CP: variants seen among roughly 807,000 people sequenced by gnomAD.
The protein encoded by CP is ceruloplasmin, also known as caeruloplasmin.
A neutral mutation model predicts 122.4 loss-of-function variants in CP; 64 were observed. The ratio of observed to expected loss-of-function variants is 0.52; its 90% CI spans 0.43 to 0.64. The LOEUF is 0.64. Among genes scored for constraint, CP ranks in the 30% least tolerant of loss-of-function variants. The pLI is 0.00. For synonymous variants in CP, 440 were observed against 436.4 expected (o/e 1.01, Z -0.10); for missense variants, 1,167 against 1,284.4 (o/e 0.91, Z 1.40).
At chr3:149,167,904 G>A (rs760255783), downstream of CP, 1 of 1,598,858 alleles carries the variant, frequency 6.3e-7, no homozygotes, top group East Asian at 2.2e-5. Flanking sequence ...CTCTGTGGTG[G>A]AAAAAACTGT....
chr3:149,181,974 G>GGGGGGGGGGGGGGGGGGCC, intron 14 of CP, 31 bp downstream of exon 14: 3 of 1,356,686 alleles, frequency 2.2e-6, no homozygotes, highest in Non-Finnish European at 3.1e-6. Context: ...CTGTTAAAAT[G>GGGGGGGGGGGGGGGGGGCC]CACCACCCCC....
chr3:149,181,979 A>ACCACCACCC, intron 14 of CP, 26 bp downstream of exon 14: 1 of 515,790 alleles, frequency 1.9e-6, no homozygotes, highest in South Asian at 1.5e-5. Context: ...AAAATGCACC[A>ACCACCACCC]CCCCCACCCC....
intron 1 of CP, among the ~76,000 whole-genome samples, chr3:149,217,523 C>G (rs1365461342): frequency 6.6e-6 from 1 of 152,158 alleles, no homozygotes; most frequent in Non-Finnish European, 1.5e-5. Flanking sequence ...AGTCTAATAT[C>G]TATTTCTTAG....
intron 4 of CP, chr3:149,166,152 A>T (rs1724393328): frequency 5.2e-6 from 2 of 386,126 alleles, no homozygotes; most frequent in Non-Finnish European, 5.1e-6. Flanking sequence ...GTAGAATCAA[A>T]AGTAGTATTT....
At chr3:149,194,625 C>G (rs1295549060) in intron 9 of CP, among the ~76,000 whole-genome samples, 1 of 148,456 alleles carries the variant, frequency 6.7e-6, no homozygotes, top group Non-Finnish European at 1.5e-5. Flanking sequence ...AAAAAAAAAT[C>G]CAAGATCCAT....
chr3:149,216,884 C>G, intron 1 of CP, among the ~76,000 whole-genome samples: 1 of 150,634 alleles, frequency 6.6e-6, no homozygotes, highest in East Asian at 1.9e-4. Context: ...AAGTGTACTG[C>G]ACTAGCTATT....
At chr3:149,218,834 C>A (rs1188020006) in intron 1 of CP, among the ~76,000 whole-genome samples, 1 of 152,290 alleles carries the variant, frequency 6.6e-6, no homozygotes, top group East Asian at 1.9e-4. Context: ...TCCTGTTCAT[C>A]ATCCCAGACC....
chr3:149,203,065 C>A (rs1345487247), intron 6 of CP, among the ~76,000 whole-genome samples: 3 of 150,976 alleles, frequency 2.0e-5, no homozygotes. Flanking sequence ...CGCCACAACG[C>A]CCGGCTAATT....
At chr3:149,215,107 A>G (rs1728380057) in intron 1 of CP, among the ~76,000 whole-genome samples, 1 of 152,224 alleles carries the variant, frequency 6.6e-6, no homozygotes, top group African/African-American at 2.4e-5. Context: ...ACCATGTCCT[A>G]TTGGTACACA....
At chr3:149,194,728 G>C (rs557047465) in intron 9 of CP, among the ~76,000 whole-genome samples, 1 of 152,112 alleles carries the variant, frequency 6.6e-6, no homozygotes, top group African/African-American at 2.4e-5. Flanking sequence ...ACTCAACTTC[G>C]TGATTATGTC....
At chr3:149,219,053 T>C (rs975914943) in intron 1 of CP, among the ~76,000 whole-genome samples, 4 of 152,184 alleles carry the variant, frequency 2.6e-5, no homozygotes. Flanking sequence ...ACCAAAAGGT[T>C]GCTATCTGCA....
intron 9 of CP, among the ~76,000 whole-genome samples, chr3:149,192,939 T>C (rs35974775): frequency 0.06 from 9,075 of 151,754 alleles, 313 homozygotes; most frequent in African/African-American, 0.075. Flanking sequence ...AACTTTTCTA[T>C]TGCAACCACA....
intron 9 of CP, 80 bp from the exon 10 acceptor site, chr3:149,188,282 A>C (rs2681080): frequency 8.5e-7 from 1 of 1,180,690 alleles, no homozygotes; most frequent in East Asian, 2.4e-5. Context: ...ATTTATGCAC[A>C]AACACACCTA....
At chr3:149,181,877 G>T in intron 14 of CP, 128 bp downstream of exon 14, 1 of 1,042,176 alleles carries the variant, frequency 9.6e-7, no homozygotes, top group Non-Finnish European at 1.5e-6. Context: ...ACACCTCCTT[G>T]CATCCCCTCT....
chr3:149,198,823 C>G (rs1476345699), intron 8 of CP, among the ~76,000 whole-genome samples: 1 of 152,220 alleles, frequency 6.6e-6, no homozygotes, highest in East Asian at 1.9e-4. Context: ...CCGGGAATGT[C>G]CCTAGCACCT....
downstream of CP, chr3:149,167,992 A>ATTT: frequency 2.7e-5 from 35 of 1,292,154 alleles, no homozygotes; most frequent in Non-Finnish European, 3.6e-5. Context: ...AGGTAAAATG[A>ATTT]TTTTTTTTTT....
In CP at chr3:149,199,736, G is replaced by C. The variant is rs370013284; in HGVS notation, c.1477C>G (p.Pro493Ala). 2 of 1,613,954 alleles carry C rather than the reference G, an allele frequency of 1.2e-6. No homozygotes were observed. Among genetic ancestry groups the C allele is most frequent in the Non-Finnish European group, 1.7e-6 (2 of 1,180,000 alleles). Residue 493 changes from proline (P) to alanine (A), a missense_variant, in exon 8 of 19, where the codon CCA becomes GCA. Physicochemically the swap from Pro to Ala is conservative, Grantham distance 27. Transcript: ENST00000264613. ...CTTCTGCTCTGGGGGTTGTAATTTGGGGAATAGTATGTGCCCTCGTTGTTC... is the reference window on the plus strand; with the variant it reads ...CTTCTGCTCTGGGGGTTGTAATTTGCGGAATAGTATGTGCCCTCGTTGTTC... ...NKNNEGTYYSPNYNPQSRSVP... is the reference protein window; with the variant it reads ...NKNNEGTYYSANYNPQSRSVP...
At position 149,176,542 on chromosome 3, in the gene CP, T is replaced by C. The variant is rs573220252; in HGVS notation, c.3019-130A>G. On this transcript the variant is annotated intron_variant, in intron 17 of 18. Transcript: ENST00000264613. ...GTTTTTAAAAAATCGAGCTCGTTTCTGTGTTTAATACAAATGGTAAAATGT... is the reference window on the plus strand; with the variant it reads ...GTTTTTAAAAAATCGAGCTCGTTTCCGTGTTTAATACAAATGGTAAAATGT... The C allele has an allele frequency of 7.8e-5, 58 of 739,584 alleles. 1 individual carries two copies. In the Middle Eastern group the frequency reaches 1.5e-3, roughly 19 times the overall value. The allele number at this position is 739,584 out of a possible 1,614,324, so 45.8% of individuals were successfully genotyped here.
At chr3:149,214,886 A>G (rs986265889) in intron 1 of CP, among the ~76,000 whole-genome samples, 2 of 152,236 alleles carry the variant, frequency 1.3e-5, no homozygotes, top group Non-Finnish European at 2.9e-5. Context: ...GAGGAGGTCA[A>G]TAAGAGTGCA....
Sources: allele counts gnomAD v4.1 joint callset (sites outside exome capture counted in the v4.1 genomes callset), GRCh38; gene constraint gnomAD v4.1.1; transcripts MANE v1.5; gene names NCBI Gene and HGNC (gene_info 2026-07-23, HGNC 2026-07-21).